Variants in MAP2K6 observed in about 807,000 individuals in gnomAD.
MAP2K6 encodes mitogen-activated protein kinase kinase 6.
In MAP2K6, 16 loss-of-function variants were observed where a neutral mutation model predicts 53.7. That is an observed-to-expected ratio of 0.30 (90% confidence interval 0.20 to 0.45). MAP2K6 has a LOEUF of 0.45. Among genes scored for constraint, MAP2K6 ranks in the 20% least tolerant of loss-of-function variants. MAP2K6 has a pLI of 1.00. For synonymous variants in MAP2K6, 132 were observed against 143.1 expected, an observed-to-expected ratio of 0.92 and a Z score of 0.55; for missense variants, 204 against 411.9, an observed-to-expected ratio of 0.50 and a Z score of 4.37.
chr17:69,472,288 A>T (rs1229267501), intron 1 of MAP2K6, among the ~76,000 whole-genome samples: 1 of 152,228 alleles, frequency 6.6e-6, no homozygotes, highest in Non-Finnish European at 1.5e-5. Context: ...AAAGTTTAAC[A>T]TTAACAATAA....
chr17:69,536,164 A>G lies in MAP2K6; in HGVS notation c.927+4A>G, dbSNP rs1911347583. On this transcript the variant is annotated splice_donor_region_variant and intron_variant, in intron 11 of 11. Coordinates refer to ENST00000590474, the MANE Select transcript of MAP2K6 (RefSeq NM_002758.4). ...GCCTACATACCCAGAGCTAATGGTG[A>G]GTATTGTTAGCAACGTAAACATGAC... The G allele has an allele frequency of 1.2e-6, 2 of 1,609,540 alleles. No individual in the cohort carries two copies. The highest frequency in any genetic ancestry group is 4.5e-5 in the East Asian group (2 of 44,764).
At chr17:69,505,718 TC>T (rs770115157) in intron 1 of MAP2K6, 61 bp from the exon 2 acceptor site, 1 of 1,359,524 alleles carries the variant, frequency 7.4e-7, no homozygotes, top group Non-Finnish European at 1.1e-6. Flanking sequence ...TGCCGCAGTC[TC>T]TTTCTCTGCT....
intron 1 of MAP2K6, among the ~76,000 whole-genome samples, chr17:69,491,822 C>G (rs563314012): frequency 1.6e-4 from 24 of 151,780 alleles, no homozygotes; most frequent in Non-Finnish European, 2.5e-4. Context: ...TGATTTGATT[C>G]AGACTGGTCT....
intron 1 of MAP2K6, among the ~76,000 whole-genome samples, chr17:69,422,163 G>A (rs1017892498): frequency 9.8e-5 from 10 of 102,156 alleles, no homozygotes; most frequent in African/African-American, 3.9e-4. Flanking sequence ...ATGGGGTCTT[G>A]CTCTGTCACC....
chr17:69,505,691 A>G, intron 1 of MAP2K6, 89 bp from the exon 2 acceptor site: 1 of 980,184 alleles, frequency 1.0e-6, no homozygotes, highest in Non-Finnish European at 1.6e-6. Flanking sequence ...CTGCCTGTGC[A>G]GGTCAGCTCT....
At chr17:69,501,313 C>T (rs993445710) in intron 1 of MAP2K6, among the ~76,000 whole-genome samples, 1 of 152,164 alleles carries the variant, frequency 6.6e-6, no homozygotes, top group Non-Finnish European at 1.5e-5. Flanking sequence ...GTGGGCTTCT[C>T]ATGCTGTTTG....
intron 1 of MAP2K6, among the ~76,000 whole-genome samples, chr17:69,459,434 A>G (rs1907535704): frequency 6.6e-6 from 1 of 152,142 alleles, no homozygotes; most frequent in African/African-American, 2.4e-5. Context: ...TAAGAAATAC[A>G]TACACTGGGG....
At chr17:69,456,309 T>C (rs1907410786) in intron 1 of MAP2K6, among the ~76,000 whole-genome samples, 1 of 152,216 alleles carries the variant, frequency 6.6e-6, no homozygotes. Flanking sequence ...AAATAACACC[T>C]GTGTCTTGAG....
At chr17:69,526,828 A>T in intron 10 of MAP2K6, 119 bp downstream of exon 10, 1 of 1,256,542 alleles carries the variant, frequency 8.0e-7, no homozygotes. Context: ...TTTGTGGAGT[A>T]TGCCCTCTCT....
At chr17:69,538,442 TG>T (rs1278314724) in intron 11 of MAP2K6, among the ~76,000 whole-genome samples, 3 of 152,234 alleles carry the variant, frequency 2.0e-5, no homozygotes, top group African/African-American at 7.2e-5. Context: ...TTTGTGGTAC[TG>T]GAAATGGACT....
chr17:69,455,633 A>G (rs974507315), intron 1 of MAP2K6, among the ~76,000 whole-genome samples: 1 of 152,088 alleles, frequency 6.6e-6, no homozygotes, highest in African/African-American at 2.4e-5. Context: ...GGGATTAGCA[A>G]ACTTTTTCTA....
chr17:69,450,705 T>C (rs930560591), intron 1 of MAP2K6, among the ~76,000 whole-genome samples: 10 of 152,132 alleles, frequency 6.6e-5, no homozygotes, highest in Non-Finnish European at 1.3e-4. Flanking sequence ...GGGCCAATTT[T>C]TTTTTTTTTT....
At position 69,422,027 on chromosome 17, in the gene MAP2K6, C is replaced by T. The variant is rs1598253187; in HGVS notation, c.16+7027C>T. ...GATGGTCTTCCTGAGTTGGCCCATG[C>T]GGTTCAGTATGTAGTCCATAATCTC... On this transcript the variant is annotated intron_variant, in intron 1 of 11. Coordinates refer to ENST00000590474, the MANE Select transcript of MAP2K6 (RefSeq NM_002758.4). 2.0e-5 allele frequency among the ~76,000 whole-genome samples: 3 copies of T among 151,228 alleles called. No individual in the cohort carries two copies. In the South Asian group the frequency reaches 6.3e-4, roughly 32 times the overall value.
intron 2 of MAP2K6, among the ~76,000 whole-genome samples, chr17:69,509,749 G>A (rs1014781478): frequency 3.9e-5 from 6 of 152,044 alleles, no homozygotes; most frequent in Admixed American, 6.6e-5. Context: ...AGTATGAAGC[G>A]AACTGTAGGT....
chr17:69,457,071 T>G (rs1042441807), intron 1 of MAP2K6, among the ~76,000 whole-genome samples: 1 of 152,188 alleles, frequency 6.6e-6, no homozygotes, highest in Admixed American at 6.5e-5. Context: ...AACCATCCTC[T>G]CTGATCTAAA....
intron 10 of MAP2K6, among the ~76,000 whole-genome samples, chr17:69,530,975 C>T (rs980950619): frequency 2.6e-5 from 4 of 151,988 alleles, no homozygotes; most frequent in South Asian, 2.1e-4. Flanking sequence ...TCCCTGTGCA[C>T]GTAACTCCCC....
intron 1 of MAP2K6, chr17:69,432,964 G>T (rs555138730): frequency 6.6e-6 from 1 of 152,160 alleles, no homozygotes; most frequent in Non-Finnish European, 1.5e-5. Context: ...CAGTAAAAAG[G>T]GCTACAATAC....
chr17:69,526,860 G>A (rs1567855932), intron 10 of MAP2K6, 151 bp downstream of exon 10: 5 of 929,802 alleles, frequency 5.4e-6, no homozygotes, highest in Admixed American at 2.9e-5. Context: ...AAAGATGACC[G>A]TATCACACTC....
chr17:69,427,446 A>G (rs1330291698), intron 1 of MAP2K6, among the ~76,000 whole-genome samples: 1 of 152,240 alleles, frequency 6.6e-6, no homozygotes, highest in Non-Finnish European at 1.5e-5. Context: ...ATAAAAATAC[A>G]GGATAAAAGA....
Sources: allele counts gnomAD v4.1 joint callset (sites outside exome capture counted in the v4.1 genomes callset), GRCh38; gene constraint gnomAD v4.1.1; transcripts MANE v1.5; gene names NCBI Gene and HGNC (gene_info 2026-07-23, HGNC 2026-07-21).